Variants in COMMD10 observed in about 807,000 individuals in gnomAD.
The protein encoded by COMMD10 is COMM domain containing 10, also known as COMM domain-containing protein 10.
A neutral mutation model predicts 28.9 loss-of-function variants in COMMD10; 33 were observed. That is an observed-to-expected ratio of 1.14 (90% CI 0.87 to 1.53). The LOEUF is 1.53. COMMD10 is among the 40% of genes most tolerant of loss of function. The pLI is 0.00. For missense variants in COMMD10, 310 were observed against 233.4 expected, an observed-to-expected ratio of 1.33 and a Z score of -2.14; for synonymous variants, 110 against 81.7, an observed-to-expected ratio of 1.35 and a Z score of -1.87.
chr5:116,277,052 T>C (rs937424547), intron 5 of COMMD10, among the ~76,000 whole-genome samples: 2 of 151,814 alleles, frequency 1.3e-5, no homozygotes, highest in African/African-American at 4.9e-5. Context: ...TCCATAAAGC[T>C]GTTACCAAAA....
chr5:116,197,663 T>C (rs1748563330), intron 5 of COMMD10, among the ~76,000 whole-genome samples: 1 of 152,166 alleles, frequency 6.6e-6, no homozygotes, highest in Non-Finnish European at 1.5e-5. Context: ...ATTACAGGTG[T>C]GAGCCACCGT....
rs752781149 is a variant in COMMD10 at position 116,293,022 on chromosome 5, A to G, written c.*533A>G. ...AATGTAAAATAGTGAGTAGTATGGTATCAGTTAATTCCAGTCTGAGCTTCT... is the reference window on the plus strand; with the variant it reads ...AATGTAAAATAGTGAGTAGTATGGTGTCAGTTAATTCCAGTCTGAGCTTCT... On this transcript the variant is annotated 3_prime_UTR_variant, in exon 7 of 7. Coordinates refer to ENST00000274458, the MANE Select transcript of COMMD10 (RefSeq NM_016144.4). 7 of 397,312 alleles carry G rather than the reference A, an allele frequency of 1.8e-5. No individual in the cohort carries two copies. Among genetic ancestry groups the G allele is most frequent in the African/African-American group, 6.2e-5 (3 of 48,576 alleles). The allele number at this position is 397,312 out of a possible 1,614,324, so 24.6% of individuals were successfully genotyped here. A position where few individuals can be genotyped will look rare whatever the true frequency, so the allele number is the denominator to read the frequency against.
intron 4 of COMMD10, among the ~76,000 whole-genome samples, chr5:116,122,343 C>A (rs1425446228): frequency 6.6e-6 from 1 of 152,100 alleles, no homozygotes; most frequent in Non-Finnish European, 1.5e-5. Flanking sequence ...TGGTCTGTAT[C>A]TCTGTTTTGG....
intron 5 of COMMD10, among the ~76,000 whole-genome samples, chr5:116,187,997 C>A (rs572157669): frequency 9.0e-4 from 137 of 152,206 alleles, no homozygotes; most frequent in Non-Finnish European, 1.7e-3. Flanking sequence ...TATATAGATT[C>A]AGATCTGGAC....
intron 5 of COMMD10, among the ~76,000 whole-genome samples, chr5:116,250,244 T>G (rs1200767662): frequency 3.3e-5 from 5 of 151,898 alleles, no homozygotes; most frequent in Non-Finnish European, 7.4e-5. Flanking sequence ...AAACTGAATA[T>G]TTTTGAGATT....
At chr5:116,230,875 T>C (rs1046332806) in intron 5 of COMMD10, among the ~76,000 whole-genome samples, 3 of 150,730 alleles carry the variant, frequency 2.0e-5, no homozygotes, top group African/African-American at 7.3e-5. Flanking sequence ...TAGACATCTT[T>C]AGTAGAAACA....
intron 5 of COMMD10, among the ~76,000 whole-genome samples, chr5:116,260,389 G>T (rs1750411318): frequency 6.6e-6 from 1 of 151,798 alleles, no homozygotes; most frequent in Non-Finnish European, 1.5e-5. Flanking sequence ...TCCTGTTTAA[G>T]AACAACTTGC....
rs116173659 is a variant in COMMD10 at position 116,117,279 on chromosome 5, G to A, written c.400-16789G>A. Among the ~76,000 whole-genome samples, 1,068 of 151,994 alleles carry A rather than the reference G, an allele frequency of 7.0e-3. 12 individuals carry two copies. The highest frequency in any genetic ancestry group is 0.017 in the Middle Eastern group (5 of 294). On this transcript the variant is annotated intron_variant, in intron 4 of 6. Transcript: ENST00000274458. ...TGGATATTATATTTTTTTCCCTTGCGTAAATATCTAGTAATGGGGATTGCT... is the reference window on the plus strand; with the variant it reads ...TGGATATTATATTTTTTTCCCTTGCATAAATATCTAGTAATGGGGATTGCT...
At chr5:116,200,161 A>G (rs1023967953) in intron 5 of COMMD10, among the ~76,000 whole-genome samples, 3 of 152,070 alleles carry the variant, frequency 2.0e-5, no homozygotes, top group Non-Finnish European at 4.4e-5. Context: ...GCACAATTAA[A>G]TTATTATTAA....
At position 116,276,163 on chromosome 5, in the gene COMMD10, A is replaced by G. The variant is rs138700145; in HGVS notation, c.511-15354A>G. Among the ~76,000 whole-genome samples, 448 of 151,786 alleles carry G rather than the reference A, an allele frequency of 3.0e-3. 1 individual carries two copies. Among genetic ancestry groups the G allele is most frequent in the Non-Finnish European group, 5.1e-3 (346 of 67,994 alleles). On this transcript the variant is annotated intron_variant, in intron 5 of 6. Transcript: ENST00000274458. ...TAACACTTCAGAAGAGTCTTAAAGT[A>G]TCAGTAAGACATTGCCAGAAAGAAA...
At chr5:116,099,719 C>A (rs1296499899) in intron 4 of COMMD10, among the ~76,000 whole-genome samples, 3 of 152,056 alleles carry the variant, frequency 2.0e-5, no homozygotes, top group Non-Finnish European at 2.9e-5. Context: ...CTTTTATATA[C>A]CTGTTGATCA....
At chr5:116,121,394 G>C (rs6866454) in intron 4 of COMMD10, among the ~76,000 whole-genome samples, 2 of 152,118 alleles carry the variant, frequency 1.3e-5, no homozygotes, top group South Asian at 2.1e-4. Flanking sequence ...CTGGACATTC[G>C]GGTTGGTTCC....
chr5:116,207,307 G>T (rs1176865835), intron 5 of COMMD10, among the ~76,000 whole-genome samples: 1 of 152,102 alleles, frequency 6.6e-6, no homozygotes, highest in Non-Finnish European at 1.5e-5. Context: ...TAATAGTTTA[G>T]ATAAATCTGT....
chr5:116,165,903 T>A (rs2112573367), intron 5 of COMMD10, among the ~76,000 whole-genome samples: 1 of 152,258 alleles, frequency 6.6e-6, no homozygotes, highest in African/African-American at 2.4e-5. Flanking sequence ...AAGAATTCAG[T>A]TAATAATACT....
chr5:116,225,080 G>C (rs2112648301), intron 5 of COMMD10, among the ~76,000 whole-genome samples: 1 of 152,082 alleles, frequency 6.6e-6, no homozygotes, highest in African/African-American at 2.4e-5. Context: ...CCAATTTGTT[G>C]CTGTGACCAT....
Position 116,087,538 on chromosome 5 carries a change from G to A in COMMD10, c.83G>A (p.Gly28Glu). ...AVSLINAIDT[G>E]RFPRLLTRIL... Reference sequence around the variant, plus strand: ...TCACTGATAAATGCAATAGATACAGGAAGATTTCCACGGTTGCTCACTCGG... The same window carrying A: ...TCACTGATAAATGCAATAGATACAGAAAGATTTCCACGGTTGCTCACTCGG... Residue 28 changes from glycine to glutamate, a missense_variant, in exon 2 of 7, where the codon GGA becomes GAA. By Grantham distance (98) the Gly-to-Glu change is moderately conservative. Transcript: ENST00000274458. 6.2e-7 allele frequency: 1 copy of A among 1,613,062 alleles called. No homozygotes were observed. The highest frequency in any genetic ancestry group is 8.5e-7 in the Non-Finnish European group (1 of 1,179,000).
At chr5:116,185,146 G>A (rs577217845) in intron 5 of COMMD10, among the ~76,000 whole-genome samples, 3 of 152,178 alleles carry the variant, frequency 2.0e-5, no homozygotes, top group South Asian at 2.1e-4. Context: ...AGAGCTTTGC[G>A]CCCATAGATC....
intron 5 of COMMD10, among the ~76,000 whole-genome samples, chr5:116,192,131 A>T (rs1748387026): frequency 6.6e-6 from 1 of 152,100 alleles, no homozygotes; most frequent in Non-Finnish European, 1.5e-5. Flanking sequence ...ACATCAAGGG[A>T]ACACCCCATG....
At chr5:116,127,692 T>C (rs903519627) in intron 4 of COMMD10, among the ~76,000 whole-genome samples, 3 of 152,070 alleles carry the variant, frequency 2.0e-5, no homozygotes, top group Admixed American at 1.3e-4. Flanking sequence ...AACCAAACAC[T>C]GCATGTTCTC....
Sources: gnomAD v4.1 joint callset for allele counts (sites outside exome capture counted in the v4.1 genomes callset) on GRCh38, gnomAD v4.1.1 for gene constraint, MANE v1.5 for transcripts, NCBI Gene and HGNC (gene_info 2026-07-23, HGNC 2026-07-21) for gene names.